Variants in TM9SF2 observed in about 807,000 individuals in gnomAD.
TM9SF2 encodes transmembrane 9 superfamily member 2, also known as 76 kDa membrane protein.
TM9SF2 carries 13 observed loss-of-function variants against 84.9 expected under a neutral mutation model. That is an observed-to-expected ratio of 0.15 (90% CI 0.10 to 0.24). TM9SF2 has a LOEUF of 0.24. TM9SF2 is among the 10% of genes least tolerant of loss of function. The pLI is 1.00. For missense variants in TM9SF2, 562 were observed against 818.5 expected (o/e 0.69, Z 3.82); for synonymous variants, 273 against 285.8 (o/e 0.96, Z 0.45).
chr13:99,547,130 G>A (rs577399004), intron 11 of TM9SF2, 26 bp downstream of exon 11: 51 of 1,613,130 alleles, frequency 3.2e-5, no homozygotes, highest in South Asian at 6.6e-5. Flanking sequence ...TGTGACTGGC[G>A]TCTGATCAGG....
intron 13 of TM9SF2, among the ~76,000 whole-genome samples, chr13:99,552,542 A>G (rs2046309423): frequency 6.6e-6 from 1 of 152,250 alleles, no homozygotes; most frequent in African/African-American, 2.4e-5. Context: ...AGTGAATAGA[A>G]GCTAATATAG....
chr13:99,508,443 A>ACACACACCCC lies in TM9SF2; in HGVS notation c.171+6667_171+6668insACACACCCCC, dbSNP rs1311954976. The stretch of plus-strand genomic sequence containing the variant: ...CACACACACACACACACACACACAC[A>ACACACACCCC]CCCCAGAGATTCAGTAGCTACTCCA... On this transcript the variant is annotated intron_variant, in intron 1 of 16. Transcript: ENST00000376387. Among the ~76,000 whole-genome samples, 5 of 147,558 alleles carry ACACACACCCC rather than the reference A, an allele frequency of 3.4e-5. No homozygotes were observed. The East Asian group carries it at 6.0e-4, about 18-fold the overall frequency.
chr13:99,513,965 G>C (rs931104096), intron 1 of TM9SF2, among the ~76,000 whole-genome samples: 10 of 152,138 alleles, frequency 6.6e-5, no homozygotes, highest in Non-Finnish European at 1.5e-4. Context: ...CTCTTGGATA[G>C]ACTAATAAAA....
chr13:99,556,570 ATTCCTTTTTTTTTTTTT>A (rs1273105821), intron 15 of TM9SF2, among the ~76,000 whole-genome samples: 2 of 108,112 alleles, frequency 1.8e-5, no homozygotes, highest in East Asian at 5.8e-4. Flanking sequence ...GTAGTACTTC[ATTCCTTTTTTTTTTTTT>A]TTCCTTTTTT....
chr13:99,545,663 T>C (rs535003491), intron 10 of TM9SF2, among the ~76,000 whole-genome samples: 2 of 151,970 alleles, frequency 1.3e-5, no homozygotes, highest in Non-Finnish European at 2.9e-5. Flanking sequence ...ACCTCCTAGG[T>C]CCAAGTGATT....
intron 1 of TM9SF2, among the ~76,000 whole-genome samples, chr13:99,508,887 A>G (rs2046101288): frequency 6.6e-6 from 1 of 152,094 alleles, no homozygotes; most frequent in Admixed American, 6.6e-5. Flanking sequence ...AGCATTAGGG[A>G]TTACAGCTTG....
intron 12 of TM9SF2, among the ~76,000 whole-genome samples, chr13:99,549,453 C>T (rs749386141): frequency 6.6e-6 from 1 of 152,150 alleles, no homozygotes; most frequent in South Asian, 2.1e-4. Context: ...AATTCCTTCT[C>T]TTCAAAGTCT....
chr13:99,538,383 A>AT (rs577523673), intron 6 of TM9SF2, among the ~76,000 whole-genome samples: 116 of 151,360 alleles, frequency 7.7e-4, no homozygotes, highest in African/African-American at 2.5e-3. Context: ...TAAATATTTC[A>AT]TTTTTTTTCA....
In TM9SF2 at chr13:99,536,707, A is replaced by G. The variant is rs375271856; in HGVS notation, c.561A>G (p.Lys187=). ...GFPIGCYITD[K]GHAKDACVIS... Reference sequence around the variant, plus strand: ...CTATTGGCTGTTACATTACAGATAAAGGCCATGCAAAAGATGCCTGTGTTA... The same window carrying G: ...CTATTGGCTGTTACATTACAGATAAGGGCCATGCAAAAGATGCCTGTGTTA... The change falls in exon 5 of 17, where the codon AAA becomes AAG. Residue 187 remains lysine, a synonymous_variant. Transcript: ENST00000376387. The G allele has an allele frequency of 6.2e-6, 10 of 1,613,612 alleles. No homozygotes were observed. Among genetic ancestry groups the G allele is most frequent in the Non-Finnish European group, 8.5e-6 (10 of 1,179,730 alleles).
At chr13:99,532,788 C>G (rs192604381) in intron 4 of TM9SF2, among the ~76,000 whole-genome samples, 16 of 152,242 alleles carry the variant, frequency 1.1e-4, no homozygotes, top group Middle Eastern at 3.4e-3. Context: ...AGTGTACAAA[C>G]TAAGCAAGCA....
chr13:99,515,970 G>A (rs2046132758), intron 1 of TM9SF2, among the ~76,000 whole-genome samples: 1 of 152,178 alleles, frequency 6.6e-6, no homozygotes. Flanking sequence ...GACCTCAGGT[G>A]ATCCGCCCGC....
chr13:99,537,708 C>T, intron 5 of TM9SF2, 31 bp from the exon 6 acceptor site: 1 of 1,565,036 alleles, frequency 6.4e-7, no homozygotes, highest in South Asian at 1.2e-5. Flanking sequence ...AGTCAGTTTT[C>T]TACCTTTAAC....
At position 99,562,899 on chromosome 13, in the gene TM9SF2, T is replaced by G; in HGVS notation, c.*141T>G. 1 of 700,380 alleles carries G rather than the reference T, an allele frequency of 1.4e-6. No homozygotes were observed. 43.4% of individuals were successfully genotyped at this position (700,380 alleles called of 1,614,324 possible). A position where few individuals can be genotyped will look rare whatever the true frequency, so the allele number is the denominator to read the frequency against. On this transcript the variant is annotated 3_prime_UTR_variant, in exon 17 of 17. Coordinates refer to ENST00000376387, the MANE Select transcript of TM9SF2 (RefSeq NM_004800.3). ...AACACCGTAATTCTAAATAAACCTC[T>G]TCCCATACACCTTTCCCCCATAAGA... is the stretch of plus-strand genomic sequence containing the variant.
At chr13:99,518,908 C>G (rs1195558890) in intron 2 of TM9SF2, among the ~76,000 whole-genome samples, 1 of 151,898 alleles carries the variant, frequency 6.6e-6, no homozygotes, top group Non-Finnish European at 1.5e-5. Context: ...GCCATTGTGC[C>G]TGGCCCAGTT....
intron 1 of TM9SF2, among the ~76,000 whole-genome samples, chr13:99,505,380 T>C (rs979716461): frequency 6.6e-6 from 1 of 152,226 alleles, no homozygotes; most frequent in African/African-American, 2.4e-5. Context: ...CTCGAACTCC[T>C]GAGCTCTCAG....
chr13:99,541,680 A>C lies in TM9SF2; in HGVS notation c.1017+13A>C, dbSNP rs755889386. ...GATGGACTCTACGGTAAGTGGAAAC[A>C]TTTTAGTCTTTAGTCTGCCAAGGAC... On this transcript the variant is annotated intron_variant, in intron 9 of 16. Transcript: ENST00000376387. 10 of 1,564,668 alleles carry C rather than the reference A, an allele frequency of 6.4e-6. No homozygotes were observed. Among genetic ancestry groups the C allele is most frequent in the Non-Finnish European group, 7.0e-6 (8 of 1,140,994 alleles).
intron 10 of TM9SF2, 88 bp downstream of exon 10, chr13:99,544,083 G>A: frequency 1.4e-6 from 2 of 1,452,976 alleles, no homozygotes; most frequent in South Asian, 1.3e-5. Context: ...CGGGCATGGT[G>A]GCTCATGCCT....
At chr13:99,518,954 T>C (rs1353954886) in intron 2 of TM9SF2, among the ~76,000 whole-genome samples, 2 of 152,054 alleles carry the variant, frequency 1.3e-5, no homozygotes. Context: ...TGAATATCCT[T>C]TATTCATTTG....
At chr13:99,536,863 C>A in intron 5 of TM9SF2, 126 bp downstream of exon 5, 1 of 968,128 alleles carries the variant, frequency 1.0e-6, no homozygotes, top group Non-Finnish European at 1.5e-6. Context: ...TGAAGTACAA[C>A]TACTTCAATC....
Sources: gnomAD v4.1 joint callset for allele counts (sites outside exome capture counted in the v4.1 genomes callset) on GRCh38, gnomAD v4.1.1 for gene constraint, MANE v1.5 for transcripts, NCBI Gene and HGNC (gene_info 2026-07-23, HGNC 2026-07-21) for gene names.